Variants in CRISPLD2 observed in about 807,000 individuals in gnomAD.
CRISPLD2 encodes the protein cysteine rich secretory protein LCCL domain containing 2, also known as cysteine-rich secretory protein LCCL domain-containing 2.
A neutral mutation model predicts 71.1 loss-of-function variants in CRISPLD2; 47 were observed. The ratio of observed to expected loss-of-function variants is 0.66; its 90% CI spans 0.52 to 0.84. CRISPLD2 has a LOEUF of 0.84. CRISPLD2 is among the 40% of genes least tolerant of loss of function. CRISPLD2 has a pLI of 0.00. For missense variants in CRISPLD2, 830 were observed against 651.1 expected, an observed-to-expected ratio of 1.27 and a Z score of -2.99; for synonymous variants, 317 against 250.1, an observed-to-expected ratio of 1.27 and a Z score of -2.52.
chr16:84,887,332 T>C (rs1301767644), intron 13 of CRISPLD2, among the ~76,000 whole-genome samples: 1 of 152,048 alleles, frequency 6.6e-6, no homozygotes, highest in Non-Finnish European at 1.5e-5. Flanking sequence ...CCGTTCACCC[T>C]CCCCACCCTT....
intron 3 of CRISPLD2, among the ~76,000 whole-genome samples, chr16:84,848,716 C>T (rs1351474524): frequency 6.6e-6 from 1 of 152,214 alleles, no homozygotes; most frequent in Non-Finnish European, 1.5e-5. Flanking sequence ...GCTGGGATGA[C>T]AGGCATGAGC....
rs563113670 is a variant in CRISPLD2 at position 84,873,903 on chromosome 16, T to A, written c.1113-17T>A. On this transcript the variant is annotated splice_polypyrimidine_tract_variant and intron_variant, in intron 10 of 14. Transcript: ENST00000262424. Reference sequence around the variant, plus strand: ...ATTTACCTAATGCCCGTTTTTTTTTTTTTTTTTTTTAAACAGCAAATACAA... The same window carrying A: ...ATTTACCTAATGCCCGTTTTTTTTTATTTTTTTTTTAAACAGCAAATACAA... 2.3e-5 allele frequency: 37 copies of A among 1,578,076 alleles called. No homozygotes were observed. The African/African-American group carries it at 4.1e-4, about 18-fold the overall frequency.
intron 1 of CRISPLD2, among the ~76,000 whole-genome samples, chr16:84,827,903 G>A (rs148321746): frequency 5.9e-5 from 9 of 152,238 alleles, no homozygotes; most frequent in East Asian, 1.9e-4. Flanking sequence ...GCAGGACCTT[G>A]CCGTCTACCC....
chr16:84,902,010 G>A (rs924592414), intron 14 of CRISPLD2, among the ~76,000 whole-genome samples: 12 of 151,598 alleles, frequency 7.9e-5, no homozygotes, highest in African/African-American at 2.7e-4. Context: ...ATGTTCCCAT[G>A]CTGGTCTTGA....
chr16:84,868,726 C>A, intron 7 of CRISPLD2, 125 bp from the exon 8 acceptor site: 1 of 787,276 alleles, frequency 1.3e-6, no homozygotes, highest in South Asian at 1.6e-5. Flanking sequence ...TCAGGCATTG[C>A]CCTTGCTCTT....
At position 84,907,101 on chromosome 16, in the gene CRISPLD2, A is replaced by G. The variant is rs993479460; in HGVS notation, c.*459A>G. On this transcript the variant is annotated 3_prime_UTR_variant, in exon 15 of 15. Coordinates refer to ENST00000262424, the MANE Select transcript of CRISPLD2 (RefSeq NM_031476.4). ...CCAATGAGTTTCAGGAATGAAGTAG[A>G]AGGTAGTTATTTAAAAATAAAAAAC... 6.5e-5 allele frequency: 12 copies of G among 185,438 alleles called. No individual in the cohort carries two copies. The highest frequency in any genetic ancestry group is 2.9e-4 in the African/African-American group (12 of 41,770). The allele number at this position is 185,438 out of a possible 1,614,324, so 11.5% of individuals were successfully genotyped here. A position where few individuals can be genotyped will look rare whatever the true frequency, so the allele number is the denominator to read the frequency against.
chr16:84,894,561 C>G (rs781512698), intron 14 of CRISPLD2, among the ~76,000 whole-genome samples: 5 of 152,138 alleles, frequency 3.3e-5, no homozygotes, highest in Non-Finnish European at 7.3e-5. Flanking sequence ...GGGGTGTGGT[C>G]TGCTGTGGCA....
intron 13 of CRISPLD2, among the ~76,000 whole-genome samples, chr16:84,886,548 G>T (rs1334953615): frequency 6.6e-6 from 1 of 152,162 alleles, no homozygotes; most frequent in Non-Finnish European, 1.5e-5. Flanking sequence ...CCATAAGCCA[G>T]GCAATGGCTC....
intron 7 of CRISPLD2, 104 bp downstream of exon 7, chr16:84,867,144 C>G: frequency 8.1e-7 from 1 of 1,237,870 alleles, no homozygotes; most frequent in South Asian, 1.4e-5. Context: ...TGCAAATCCA[C>G]AGGCAGTGGC....
chr16:84,838,404 C>G lies in CRISPLD2; in HGVS notation c.-74-18C>G. The G allele has an allele frequency of 6.7e-7, 1 of 1,498,736 alleles. No homozygotes were observed. The highest frequency in any genetic ancestry group is 9.0e-7 in the Non-Finnish European group (1 of 1,108,268). 92.8% of individuals were successfully genotyped at this position (1,498,736 alleles called of 1,614,324 possible). On this transcript the variant is annotated intron_variant, in intron 1 of 14. Transcript: ENST00000262424. ...CCTACTAATGCGACTTCTCCCACCA[C>G]CCTCTGCTTCCTTTCAGAGCTCAAG...
chr16:84,859,157 G>C (rs137987609), intron 6 of CRISPLD2, among the ~76,000 whole-genome samples: 202 of 152,280 alleles, frequency 1.3e-3, no homozygotes, highest in African/African-American at 4.4e-3. Context: ...TCCCTTACCT[G>C]TCAGGGAGCC....
chr16:84,884,454 GT>G (rs1247211197), intron 13 of CRISPLD2, among the ~76,000 whole-genome samples: 1 of 152,214 alleles, frequency 6.6e-6, no homozygotes, highest in Non-Finnish European at 1.5e-5. Flanking sequence ...GGGCTCTGGG[GT>G]TCACACAGGT....
At chr16:84,878,117 G>A (rs1000342327) in intron 12 of CRISPLD2, among the ~76,000 whole-genome samples, 3 of 151,848 alleles carry the variant, frequency 2.0e-5, no homozygotes, top group Non-Finnish European at 2.9e-5. Context: ...CCAGCTACTC[G>A]GGAGTCTGAG....
chr16:84,847,387 C>T (rs1597455454), intron 3 of CRISPLD2, among the ~76,000 whole-genome samples: 2 of 152,190 alleles, frequency 1.3e-5, no homozygotes, highest in Admixed American at 6.5e-5. Context: ...CAAGGTGGCT[C>T]ATGCCTGTAA....
chr16:84,826,973 CA>C (rs766556967), intron 1 of CRISPLD2, among the ~76,000 whole-genome samples: 1 of 152,096 alleles, frequency 6.6e-6, no homozygotes, highest in South Asian at 2.1e-4. Flanking sequence ...AGAGCAACAT[CA>C]AATTTTTTTT....
At chr16:84,842,776 G>T (rs1216861246) in intron 2 of CRISPLD2, among the ~76,000 whole-genome samples, 1 of 152,164 alleles carries the variant, frequency 6.6e-6, no homozygotes, top group Non-Finnish European at 1.5e-5. Context: ...AAGGGGCCAT[G>T]GGAACGTTGA....
intron 1 of CRISPLD2, among the ~76,000 whole-genome samples, chr16:84,821,602 C>T (rs2326396): frequency 0.68 from 103,239 of 152,010 alleles, 36,028 homozygotes; most frequent in Non-Finnish European, 0.74. Context: ...AAGACACTTC[C>T]CTGCCCACTG....
chr16:84,898,515 T>G (rs2071726067), intron 14 of CRISPLD2, among the ~76,000 whole-genome samples: 1 of 152,186 alleles, frequency 6.6e-6, no homozygotes, highest in Non-Finnish European at 1.5e-5. Flanking sequence ...CTGGGCTGTT[T>G]TAGACTGAAA....
chr16:84,850,444 T>C (rs923292400), intron 4 of CRISPLD2, 124 bp from the exon 5 acceptor site: 1 of 737,684 alleles, frequency 1.4e-6, no homozygotes, highest in African/African-American at 1.7e-5. Context: ...GGGACTAATA[T>C]CTGCTTCCCC....
Sources: allele counts gnomAD v4.1 joint callset (sites outside exome capture counted in the v4.1 genomes callset), GRCh38; gene constraint gnomAD v4.1.1; transcripts MANE v1.5; gene names NCBI Gene and HGNC (gene_info 2026-07-23, HGNC 2026-07-21).